TMEM216: variants seen among roughly 807,000 people sequenced by gnomAD.
The protein encoded by TMEM216 is transmembrane protein 216, also known as cerebello-oculo-renal syndrome 2.
Under a neutral mutation model 17.8 loss-of-function variants are expected in TMEM216, and 15 were observed. That is an observed-to-expected ratio of 0.84 (90% CI 0.56 to 1.30). TMEM216 has a LOEUF of 1.30. TMEM216 is among the 50% of genes most tolerant of loss of function. The pLI, the probability that TMEM216 is intolerant of heterozygous loss-of-function variation, is 0.00. For missense variants in TMEM216, 160 were observed against 175.7 expected (o/e 0.91, Z 0.51); for synonymous variants, 58 against 73.5 (o/e 0.79, Z 1.08).
intron 4 of TMEM216, 41 bp from the exon 5 acceptor site, chr11:61,398,229 G>C: frequency 6.3e-7 from 1 of 1,593,568 alleles, no homozygotes; most frequent in Middle Eastern, 1.7e-4. Flanking sequence ...TCATTCACTG[G>C]TCTTTTAACA....
intron 1 of TMEM216, 145 bp from the exon 2 acceptor site, chr11:61,393,086 C>G (rs1158759988): frequency 4.0e-6 from 3 of 742,076 alleles, no homozygotes; most frequent in East Asian, 2.9e-5. Flanking sequence ...CCCTCGCCCC[C>G]TCATTATCAG....
intron 1 of TMEM216, 125 bp downstream of exon 1, chr11:61,392,790 C>G (rs879008636): frequency 2.6e-6 from 4 of 1,522,224 alleles, no homozygotes; most frequent in Non-Finnish European, 3.5e-6. Context: ...CCTCCCTGGT[C>G]CAAAGCCGGC....
intron 1 of TMEM216, 106 bp from the exon 2 acceptor site, chr11:61,393,125 C>G: frequency 1.3e-6 from 1 of 745,878 alleles, no homozygotes; most frequent in South Asian, 1.9e-5. Flanking sequence ...AGTGGCCGGT[C>G]CCATTAGTTG....
chr11:61,394,131 T>C (rs1485430748), intron 3 of TMEM216, 155 bp downstream of exon 3: 2 of 665,254 alleles, frequency 3.0e-6, no homozygotes, highest in East Asian at 2.7e-5. Context: ...TGCTGCTTCA[T>C]ACATTGGGTC....
intron 1 of TMEM216, 63 bp from the exon 2 acceptor site, chr11:61,393,168 C>A: frequency 7.8e-7 from 1 of 1,276,086 alleles, no homozygotes; most frequent in Non-Finnish European, 1.1e-6. Context: ...TAGACACCAA[C>A]CCATACGAGC....
At chr11:61,398,051 T>C in intron 4 of TMEM216, 76 bp downstream of exon 4, 1 of 1,571,156 alleles carries the variant, frequency 6.4e-7, no homozygotes, top group Non-Finnish European at 8.7e-7. Flanking sequence ...AGTATTCTTC[T>C]GAAGCCTAAG....
Position 61,398,258 on chromosome 11 carries a change from T to C in TMEM216, c.432-12T>C. 1 of 1,476,854 alleles carries C rather than the reference T, an allele frequency of 6.8e-7. No individual in the cohort carries two copies. Among genetic ancestry groups the C allele is most frequent in the Non-Finnish European group, 9.0e-7 (1 of 1,108,294 alleles). The allele number at this position is 1,476,854 out of a possible 1,614,324, so 91.5% of individuals were successfully genotyped here. A position where few individuals can be genotyped will look rare whatever the true frequency, so the allele number is the denominator to read the frequency against. On this transcript the variant is annotated splice_polypyrimidine_tract_variant and intron_variant, in intron 4 of 4. Coordinates refer to ENST00000515837, the MANE Select transcript of TMEM216 (RefSeq NM_001173990.3). ...TTTAACATTTTCTTTCTTTCTGCCA[T>C]CGTATGGACAGGATTTGAAGTACAG... is the stretch of plus-strand genomic sequence containing the variant.
chr11:61,393,421 C>T, intron 2 of TMEM216, 89 bp downstream of exon 2: 2 of 937,530 alleles, frequency 2.1e-6, no homozygotes, highest in Non-Finnish European at 1.6e-6. Flanking sequence ...ATTTTCCGTT[C>T]TTTTCTGCCC....
intron 3 of TMEM216, among the ~76,000 whole-genome samples, chr11:61,395,413 G>T (rs1858775710): frequency 6.6e-6 from 1 of 151,936 alleles, no homozygotes; most frequent in African/African-American, 2.4e-5. Flanking sequence ...ATAAAAGAAG[G>T]CTCACATAAA....
chr11:61,395,489 C>T (rs1858777500), intron 3 of TMEM216, among the ~76,000 whole-genome samples: 4 of 152,044 alleles, frequency 2.6e-5, no homozygotes, highest in Admixed American at 2.6e-4. Context: ...TCTGTAATCC[C>T]AGCACTTTGG....
intron 3 of TMEM216, among the ~76,000 whole-genome samples, chr11:61,395,728 C>CAAAA (rs58991741): frequency 3.6e-5 from 4 of 110,050 alleles, no homozygotes; most frequent in African/African-American, 1.2e-4. Context: ...AAGTGAGACT[C>CAAAA]AAAAAAAAAA....
intron 3 of TMEM216, among the ~76,000 whole-genome samples, chr11:61,396,757 G>A (rs1022910030): frequency 3.3e-5 from 5 of 151,482 alleles, no homozygotes; most frequent in African/African-American, 1.2e-4. Context: ...TCGCTCCATT[G>A]CACTCCAGCC....
rs548299486 is a variant in TMEM216 at position 61,392,642 on chromosome 11, G to A, written c.11G>A (p.Arg4Gln). MLP[R>Q]GLKMAPRGKR... is the part of the protein sequence containing the mutation. ...CCGCTGTGGCAGCGTATGCTGCCAC[G>A]GGGACTGAAGATGGCGCCGCGAGGT... is the stretch of plus-strand genomic sequence containing the variant. Residue 4 changes from arginine to glutamine, a missense_variant, in exon 1 of 5, where the codon CGG (arginine) becomes CAG (glutamine). Transcript: ENST00000515837. 1.4e-5 allele frequency: 21 copies of A among 1,513,934 alleles called. No individual in the cohort carries two copies. Among genetic ancestry groups the A allele is most frequent in the Non-Finnish European group, 1.7e-5 (19 of 1,133,582 alleles). 93.8% of individuals were successfully genotyped at this position (1,513,934 alleles called of 1,614,324 possible).
At chr11:61,398,111 G>A (rs1375993027) in intron 4 of TMEM216, 136 bp downstream of exon 4, 2 of 1,382,708 alleles carry the variant, frequency 1.4e-6, no homozygotes, top group Non-Finnish European at 2.0e-6. Flanking sequence ...CTATGGGATT[G>A]CCTTTCCTGT....
chr11:61,396,349 C>T (rs1383429102), intron 3 of TMEM216, among the ~76,000 whole-genome samples: 1 of 152,018 alleles, frequency 6.6e-6, no homozygotes, highest in Non-Finnish European at 1.5e-5. Flanking sequence ...TGTGGTGGCA[C>T]GTGCCTGTAA....
chr11:61,395,245 G>C (rs1339383974), intron 3 of TMEM216, among the ~76,000 whole-genome samples: 2 of 152,130 alleles, frequency 1.3e-5, no homozygotes, highest in Admixed American at 1.3e-4. Flanking sequence ...CCAAGGTGCT[G>C]GGATTACAGG....
chr11:61,394,438 G>A (rs192847748), intron 3 of TMEM216: 10 of 153,240 alleles, frequency 6.5e-5, no homozygotes, highest in East Asian at 1.9e-4. Flanking sequence ...GCACGATCTC[G>A]GATCACTGCA....
Position 61,398,506 on chromosome 11 carries a change from G to A in TMEM216, c.*230G>A. On this transcript the variant is annotated 3_prime_UTR_variant, in exon 5 of 5. Transcript: ENST00000515837. The stretch of plus-strand genomic sequence containing the variant: ...TCTTCTACACTCCAGTATAGGGAGG[G>A]GCAAGGTTATTCCCATCCTGCCCCT... 1 of 547,000 alleles carries A rather than the reference G, an allele frequency of 1.8e-6. No homozygotes were observed. The highest frequency in any genetic ancestry group is 4.8e-4 in the Middle Eastern group (1 of 2,098). The allele number at this position is 547,000 out of a possible 1,614,324, so 33.9% of individuals were successfully genotyped here. A position where few individuals can be genotyped will look rare whatever the true frequency, so the allele number is the denominator to read the frequency against.
At chr11:61,395,962 G>T (rs1276736251) in intron 3 of TMEM216, among the ~76,000 whole-genome samples, 1 of 151,926 alleles carries the variant, frequency 6.6e-6, no homozygotes, top group Non-Finnish European at 1.5e-5. Context: ...ACAACTCTTG[G>T]GTAGTAGTTA....
Sources: allele counts gnomAD v4.1 joint callset (sites outside exome capture counted in the v4.1 genomes callset), GRCh38; gene constraint gnomAD v4.1.1; transcripts MANE v1.5; gene names NCBI Gene and HGNC (gene_info 2026-07-23, HGNC 2026-07-21).